TDRD3: variants seen among roughly 807,000 people sequenced by gnomAD.
TDRD3 encodes the protein tudor domain-containing protein 3.
Under a neutral mutation model 86.7 loss-of-function variants are expected in TDRD3, and 45 were observed. The observed-to-expected ratio is 0.52, with a 90% CI of 0.41 to 0.67. The LOEUF (loss-of-function observed/expected upper bound fraction) is 0.67, where lower values mean the gene tolerates loss of function less well. TDRD3 is among the 30% of genes least tolerant of loss of function. TDRD3 has a pLI of 0.00. For missense variants in TDRD3, 814 were observed against 889.0 expected (o/e 0.92, Z 1.07); for synonymous variants, 298 against 301.7 (o/e 0.99, Z 0.13).
intron 1 of TDRD3, among the ~76,000 whole-genome samples, chr13:60,428,416 T>C (rs185751830): frequency 1.3e-5 from 2 of 152,162 alleles, no homozygotes; most frequent in Non-Finnish European, 2.9e-5. Flanking sequence ...TAAGTTAATA[T>C]AGGGGCCAAG....
intron 1 of TDRD3, among the ~76,000 whole-genome samples, chr13:60,404,845 C>G (rs895672364): frequency 6.6e-6 from 1 of 152,200 alleles, no homozygotes; most frequent in Non-Finnish European, 1.5e-5. Flanking sequence ...CCCATAATCC[C>G]CACATGTTGT....
Position 60,493,127 on chromosome 13 carries a change from C to T in TDRD3, c.718-1308C>T, listed in dbSNP as rs535911823. Among the ~76,000 whole-genome samples the T allele has an allele frequency of 1.4e-3, 217 of 151,548 alleles. 1 individual carries two copies. The highest frequency in any genetic ancestry group is 4.9e-3 in the African/African-American group (201 of 41,410). ...TAGAAACGGGGTTTCACCGTGTTAG[C>T]CAAGATGGTCTCGATCTCCTGACCT... On this transcript the variant is annotated intron_variant, in intron 7 of 13. Transcript: ENST00000377881.
intron 1 of TDRD3, among the ~76,000 whole-genome samples, chr13:60,425,790 G>A (rs1446603535): frequency 6.6e-6 from 1 of 151,818 alleles, no homozygotes; most frequent in Non-Finnish European, 1.5e-5. Context: ...TACTCAACAT[G>A]AAGACAATGA....
intron 1 of TDRD3, among the ~76,000 whole-genome samples, chr13:60,414,111 C>G (rs1185188639): frequency 6.6e-6 from 1 of 151,726 alleles, no homozygotes; most frequent in African/African-American, 2.4e-5. Context: ...TTGCCCTCCT[C>G]AAAAATTAAA....
At chr13:60,556,895 T>G (rs1958199009) in intron 12 of TDRD3, among the ~76,000 whole-genome samples, 4 of 152,080 alleles carry the variant, frequency 2.6e-5, no homozygotes, top group African/African-American at 9.7e-5. Flanking sequence ...GGAAACAGAC[T>G]TAAGAAAATG....
intron 9 of TDRD3, 100 bp downstream of exon 9, chr13:60,510,019 G>T (rs116156909): frequency 3.5e-6 from 5 of 1,417,806 alleles, no homozygotes; most frequent in Non-Finnish European, 4.7e-6. Context: ...CTGTAATTTT[G>T]TTTAACATTA....
At chr13:60,417,385 C>T (rs1954551067) in intron 1 of TDRD3, among the ~76,000 whole-genome samples, 1 of 145,098 alleles carries the variant, frequency 6.9e-6, no homozygotes. Context: ...GAGTCTCACT[C>T]TGTTGCCCAG....
chr13:60,435,642 A>T (rs1002726391), intron 1 of TDRD3, among the ~76,000 whole-genome samples: 3 of 152,184 alleles, frequency 2.0e-5, no homozygotes, highest in African/African-American at 7.2e-5. Flanking sequence ...TGGTGTATAT[A>T]TGCCACATTT....
intron 12 of TDRD3, chr13:60,535,828 C>A (rs1335927786): frequency 2.0e-5 from 3 of 152,090 alleles, no homozygotes; most frequent in African/African-American, 2.4e-5. Context: ...CTTACTGACT[C>A]ATGGAGTCCA....
chr13:60,432,491 T>A (rs1047164267), intron 1 of TDRD3, among the ~76,000 whole-genome samples: 1 of 152,154 alleles, frequency 6.6e-6, no homozygotes, highest in Non-Finnish European at 1.5e-5. Context: ...AATTGGCAAG[T>A]TAATTCTTTC....
At chr13:60,457,697 G>A (rs1253284377) in intron 3 of TDRD3, among the ~76,000 whole-genome samples, 2 of 152,234 alleles carry the variant, frequency 1.3e-5, no homozygotes, top group East Asian at 1.9e-4. Flanking sequence ...TAGGCCAGAA[G>A]TTTAAAATTA....
chr13:60,411,315 G>C (rs752394192), intron 1 of TDRD3, among the ~76,000 whole-genome samples: 2 of 152,220 alleles, frequency 1.3e-5, no homozygotes, highest in Admixed American at 6.5e-5. Flanking sequence ...ACAGGGTAAT[G>C]AGAATGGACT....
chr13:60,496,287 CCATATA>C (rs1310542887), intron 8 of TDRD3, among the ~76,000 whole-genome samples: 11 of 57,498 alleles, frequency 1.9e-4, no homozygotes, highest in African/African-American at 2.7e-4. Flanking sequence ...TAACAAACTC[CCATATA>C]TATATATATA....
At chr13:60,415,745 C>T (rs1435430181) in intron 1 of TDRD3, among the ~76,000 whole-genome samples, 1 of 152,030 alleles carries the variant, frequency 6.6e-6, no homozygotes, top group Non-Finnish European at 1.5e-5. Context: ...ACTACCATGT[C>T]CAGAGATTTA....
chr13:60,552,389 G>A (rs2137906394), intron 12 of TDRD3, among the ~76,000 whole-genome samples: 1 of 152,338 alleles, frequency 6.6e-6, no homozygotes, highest in Middle Eastern at 3.4e-3. Flanking sequence ...TACATCCAGG[G>A]CACGCTAATG....
At position 60,528,815 on chromosome 13, in the gene TDRD3, T is replaced by C; in HGVS notation, c.1590T>C (p.Asn530=). Residue 530 remains asparagine, a synonymous_variant, in exon 11 of 14, where the codon AAT becomes AAC. Transcript: ENST00000377881. ...PLPQGSVDYN[N]QKRGKRESQT... is the part of the protein sequence containing the mutation. ...CTCAAGGATCTGTAGATTATAATAA[T>C]CAAAAACGTGGAAAAAGAGAAAGCC... 1 of 1,613,700 alleles carries C rather than the reference T, an allele frequency of 6.2e-7. No homozygotes were observed. The highest frequency in any genetic ancestry group is 1.7e-5 in the Admixed American group (1 of 59,952).
At chr13:60,501,932 A>G (rs1185907785) in intron 8 of TDRD3, among the ~76,000 whole-genome samples, 1 of 152,204 alleles carries the variant, frequency 6.6e-6, no homozygotes, top group Admixed American at 6.5e-5. Flanking sequence ...CTATCAGGAT[A>G]ATAATTACAC....
chr13:60,399,900 A>G (rs796802235), intron 1 of TDRD3, among the ~76,000 whole-genome samples: 6 of 152,310 alleles, frequency 3.9e-5, no homozygotes, highest in African/African-American at 1.4e-4. Context: ...AATCTGTTCA[A>G]GTTTACATTA....
intron 10 of TDRD3, among the ~76,000 whole-genome samples, chr13:60,512,021 T>C (rs1358976149): frequency 3.3e-5 from 5 of 152,148 alleles, no homozygotes; most frequent in Admixed American, 6.5e-5. Flanking sequence ...TTTTGACTCC[T>C]GTATTAGTTT....
Sources: allele counts gnomAD v4.1 joint callset (sites outside exome capture counted in the v4.1 genomes callset), GRCh38; gene constraint gnomAD v4.1.1; transcripts MANE v1.5; gene names NCBI Gene and HGNC (gene_info 2026-07-23, HGNC 2026-07-21).